The following PRELID2 variants were observed in gnomAD, a reference collection of about 807,000 sequenced individuals.
PRELID2 encodes the protein PRELI domain-containing protein 2.
Under a neutral mutation model 28.4 loss-of-function variants are expected in PRELID2, and 25 were observed. That is an observed-to-expected ratio of 0.88 (90% confidence interval 0.64 to 1.23). The LOEUF is 1.23. PRELID2 is among the 50% of genes most tolerant of loss of function. The pLI is 0.00. For missense variants in PRELID2, 201 were observed against 214.4 expected (o/e 0.94, Z 0.39); for synonymous variants, 76 against 71.6 (o/e 1.06, Z -0.31).
intron 5 of PRELID2, among the ~76,000 whole-genome samples, chr5:145,775,304 C>A (rs1378994607): frequency 6.6e-6 from 1 of 152,066 alleles, no homozygotes; most frequent in African/African-American, 2.4e-5. Flanking sequence ...TCTGAGCCTT[C>A]CGTATACTAT....
intron 1 of PRELID2, among the ~76,000 whole-genome samples, chr5:145,545,814 A>T (rs1367734027): frequency 6.6e-6 from 1 of 152,140 alleles, no homozygotes; most frequent in Non-Finnish European, 1.5e-5. Context: ...GCATGGGAGG[A>T]ACATAAGCTT....
At chr5:145,336,175 C>G in the PRELID2 span, among the ~76,000 whole-genome samples, 4 of 152,096 alleles carry the variant, frequency 2.6e-5, no homozygotes, top group Admixed American at 2.6e-4. Context: ...GGATATTAGC[C>G]CTTTGTCAGA....
At chr5:145,397,876 T>C in the PRELID2 span, among the ~76,000 whole-genome samples, 2 of 152,108 alleles carry the variant, frequency 1.3e-5, no homozygotes, top group Non-Finnish European at 2.9e-5. Flanking sequence ...CCAAATGTAG[T>C]TGTGGCGGGA....
At chr5:145,403,112 G>A in the PRELID2 span, among the ~76,000 whole-genome samples, 1 of 152,206 alleles carries the variant, frequency 6.6e-6, no homozygotes, top group Non-Finnish European at 1.5e-5. Context: ...GAATGCAAAT[G>A]AGAAGAAATC....
chr5:145,693,562 A>C (rs984099161), intron 1 of PRELID2, among the ~76,000 whole-genome samples: 5 of 152,186 alleles, frequency 3.3e-5, no homozygotes, highest in Non-Finnish European at 7.3e-5. Flanking sequence ...TGAGGCCAGG[A>C]ATTTGAAACC....
chr5:145,675,713 G>C (rs1754800171), intron 1 of PRELID2, among the ~76,000 whole-genome samples: 1 of 152,020 alleles, frequency 6.6e-6, no homozygotes, highest in African/African-American at 2.4e-5. Context: ...GTTGAGAGTG[G>C]TTTTACATTT....
chr5:145,643,149 C>G (rs1160535985), intron 1 of PRELID2, among the ~76,000 whole-genome samples: 1 of 152,154 alleles, frequency 6.6e-6, no homozygotes, highest in Non-Finnish European at 1.5e-5. Context: ...TATACATGAG[C>G]ATGGAATGTT....
At chr5:145,654,207 C>G (rs181346462) in intron 1 of PRELID2, among the ~76,000 whole-genome samples, 10 of 152,084 alleles carry the variant, frequency 6.6e-5, no homozygotes, top group African/African-American at 2.4e-4. Flanking sequence ...AGGAAGAACT[C>G]GAATCCCTGA....
chr5:145,795,065 T>C lies in PRELID2; in HGVS notation c.474+1377A>G, dbSNP rs538281847. On this transcript the variant is annotated intron_variant, in intron 5 of 6. Coordinates refer to ENST00000683046, the MANE Select transcript of PRELID2 (RefSeq NM_205846.3). ...AAAAATCCCATTCTTCTAGTGAATA[T>C]AGCTGTATTATAAAAAAATTCAATT... The C allele has an allele frequency of 2.0e-5, 3 of 152,254 alleles. No individual in the cohort carries two copies. In the East Asian group the frequency reaches 5.8e-4, roughly 29 times the overall value. 9.4% of individuals were successfully genotyped at this position (152,254 alleles called of 1,614,324 possible).
intron 1 of PRELID2, among the ~76,000 whole-genome samples, chr5:145,704,874 T>C (rs1755502465): frequency 6.6e-6 from 1 of 152,194 alleles, no homozygotes; most frequent in Non-Finnish European, 1.5e-5. Flanking sequence ...GAGAGGCAGA[T>C]GAGCTGTGCA....
At chr5:145,733,929 C>T (rs1331979093) in intron 1 of PRELID2, among the ~76,000 whole-genome samples, 1 of 151,928 alleles carries the variant, frequency 6.6e-6, no homozygotes, top group Non-Finnish European at 1.5e-5. Context: ...ATCACAGGGG[C>T]CCTTATAAAA....
the PRELID2 span, among the ~76,000 whole-genome samples, chr5:145,249,140 G>C: frequency 6.6e-6 from 1 of 152,062 alleles, no homozygotes; most frequent in African/African-American, 2.4e-5. Context: ...CCACAAATTA[G>C]CTATTTGCTG....
At chr5:145,566,042 G>A (rs573635276) in intron 1 of PRELID2, among the ~76,000 whole-genome samples, 213 of 152,348 alleles carry the variant, frequency 1.4e-3, no homozygotes, top group Admixed American at 3.6e-3. Flanking sequence ...CTCTGGGGTA[G>A]ATCAGAGTGC....
chr5:145,507,691 G>T (rs1752424210), intron 1 of PRELID2, among the ~76,000 whole-genome samples: 1 of 151,992 alleles, frequency 6.6e-6, no homozygotes, highest in Admixed American at 6.6e-5. Context: ...ACTGGCTTTT[G>T]TTTCCACAAG....
chr5:145,324,084 G>T, the PRELID2 span, among the ~76,000 whole-genome samples: 1 of 152,176 alleles, frequency 6.6e-6, no homozygotes, highest in Non-Finnish European at 1.5e-5. Context: ...CCCACCAGTG[G>T]TGAATATGCA....
At chr5:145,517,893 A>C (rs1752530084) in intron 1 of PRELID2, among the ~76,000 whole-genome samples, 1 of 152,256 alleles carries the variant, frequency 6.6e-6, no homozygotes, top group Non-Finnish European at 1.5e-5. Flanking sequence ...ACACAGGAAC[A>C]GAAAACCAAA....
At position 145,778,932 on chromosome 5, in the gene PRELID2, T is replaced by C. The variant is rs933640858; in HGVS notation, c.475-13932A>G. On this transcript the variant is annotated intron_variant, in intron 5 of 6. Coordinates refer to ENST00000683046, the MANE Select transcript of PRELID2 (RefSeq NM_205846.3). ...ATAGTACTCACCATAGTGAATTGTA[T>C]GGTGGATGCTAAGCAAATTGGATGA... is the stretch of plus-strand genomic sequence containing the variant. 2.6e-5 allele frequency among the ~76,000 whole-genome samples: 4 copies of C among 152,172 alleles called. No individual in the cohort carries two copies. The East Asian group carries it at 5.8e-4, about 22-fold the overall frequency.
At chr5:145,306,165 A>C in the PRELID2 span, among the ~76,000 whole-genome samples, 7 of 152,220 alleles carry the variant, frequency 4.6e-5, no homozygotes, top group African/African-American at 1.4e-4. Flanking sequence ...CAGTATTTAC[A>C]AAAATGACTT....
intron 1 of PRELID2, among the ~76,000 whole-genome samples, chr5:145,551,027 T>C (rs1302776397): frequency 6.6e-6 from 1 of 152,170 alleles, no homozygotes; most frequent in Non-Finnish European, 1.5e-5. Context: ...GAATAAATGT[T>C]CCTGATAAAA....
Sources: gnomAD v4.1 joint callset for allele counts (sites outside exome capture counted in the v4.1 genomes callset) on GRCh38, gnomAD v4.1.1 for gene constraint, MANE v1.5 for transcripts, NCBI Gene and HGNC (gene_info 2026-07-23, HGNC 2026-07-21) for gene names.